Variants in HCRTR2 observed in about 807,000 individuals in gnomAD.
HCRTR2 encodes orexin receptor type 2.
A neutral mutation model predicts 49.0 loss-of-function variants in HCRTR2; 22 were observed. The observed-to-expected ratio is 0.45, with a 90% CI of 0.32 to 0.64. The LOEUF is 0.64. Among genes scored for constraint, HCRTR2 ranks in the 30% least tolerant of loss-of-function variants. HCRTR2 has a pLI of 0.04. For missense variants in HCRTR2, 491 were observed against 559.4 expected, an observed-to-expected ratio of 0.88 and a Z score of 1.23; for synonymous variants, 236 against 205.3, an observed-to-expected ratio of 1.15 and a Z score of -1.28.
intron 2 of HCRTR2, among the ~76,000 whole-genome samples, chr6:55,249,493 T>C (rs1249071455): frequency 6.6e-6 from 1 of 152,134 alleles, no homozygotes; most frequent in Non-Finnish European, 1.5e-5. Context: ...CCTCATATGG[T>C]TGCTGTGACC....
At chr6:55,153,107 A>G (rs1764684663) in intron 1 of HCRTR2, among the ~76,000 whole-genome samples, 1 of 151,966 alleles carries the variant, frequency 6.6e-6, no homozygotes, top group African/African-American at 2.4e-5. Flanking sequence ...TATTTTTTGC[A>G]TATGGATATC....
At chr6:55,261,012 A>G (rs545224079) in intron 3 of HCRTR2, among the ~76,000 whole-genome samples, 2 of 152,304 alleles carry the variant, frequency 1.3e-5, no homozygotes, top group East Asian at 3.9e-4. Flanking sequence ...TCAATAGAAA[A>G]GTCAAAACAA....
chr6:55,171,227 A>T (rs1191508699), upstream of HCRTR2, among the ~76,000 whole-genome samples: 1 of 152,128 alleles, frequency 6.6e-6, no homozygotes, highest in Non-Finnish European at 1.5e-5. Flanking sequence ...ATTTCTCCAC[A>T]TCCTCTCCAG....
chr6:55,214,168 T>A (rs1464968199), intron 1 of HCRTR2, among the ~76,000 whole-genome samples: 6 of 151,930 alleles, frequency 3.9e-5, no homozygotes, highest in Non-Finnish European at 8.8e-5. Context: ...AAAAAAGAAA[T>A]GAGCAATTCA....
At chr6:55,223,513 C>T (rs1337593758) in intron 1 of HCRTR2, among the ~76,000 whole-genome samples, 1 of 152,156 alleles carries the variant, frequency 6.6e-6, no homozygotes, top group African/African-American at 2.4e-5. Context: ...TAGGAACAAA[C>T]TACACTTGCA....
In HCRTR2 at chr6:55,116,220, G is replaced by T. The variant is rs143024530; in HGVS notation, c.-378+9675G>T. 3.4e-3 allele frequency among the ~76,000 whole-genome samples: 523 copies of T among 151,708 alleles called. 7 individuals are homozygous for T. Among genetic ancestry groups the T allele is most frequent in the African/African-American group, 0.012 (496 of 41,480 alleles). On this transcript the variant is annotated intron_variant, in intron 1 of 7. Coordinates refer to the HCRTR2 transcript ENST00000615358. Reference sequence around the variant, plus strand: ...GAAGTTCTTTTATTTATAAGAAATGGCCAGTAAAACAGATAGACTGTATCA... The same window carrying T: ...GAAGTTCTTTTATTTATAAGAAATGTCCAGTAAAACAGATAGACTGTATCA...
chr6:55,267,773 G>A (rs1449802247), intron 4 of HCRTR2, among the ~76,000 whole-genome samples: 1 of 151,970 alleles, frequency 6.6e-6, no homozygotes, highest in Non-Finnish European at 1.5e-5. Flanking sequence ...ACTCTTCTAA[G>A]GGAACTTAAG....
intron 3 of HCRTR2, among the ~76,000 whole-genome samples, chr6:55,258,320 C>A (rs1229172698): frequency 2.6e-5 from 4 of 151,936 alleles, no homozygotes; most frequent in Non-Finnish European, 5.9e-5. Context: ...ATCCTACAAC[C>A]AATGTGGCAG....
chr6:55,143,667 C>T (rs1236076163), intron 1 of HCRTR2, among the ~76,000 whole-genome samples: 1 of 152,164 alleles, frequency 6.6e-6, no homozygotes, highest in Non-Finnish European at 1.5e-5. Context: ...TTTCCAAATA[C>T]TTGACTTTTA....
chr6:55,127,037 T>C (rs576212113), intron 1 of HCRTR2, among the ~76,000 whole-genome samples: 22 of 152,026 alleles, frequency 1.4e-4, no homozygotes, highest in Admixed American at 2.0e-4. Flanking sequence ...AGCTGACCAC[T>C]TGGCTGCCTG....
rs1437730210 is a variant in HCRTR2 at position 55,275,606 on chromosome 6, G to GT, written c.763-1773dup. ...CCATAGCTTTCTCTTTATGAAAACT[G>GT]TATTTTTTTTTTTTTTTTGAGATGG... is the stretch of plus-strand genomic sequence containing the variant. On this transcript the variant is annotated intron_variant, in intron 4 of 6. Transcript: ENST00000370862. 1.0e-4 allele frequency among the ~76,000 whole-genome samples: 13 copies of GT among 128,788 alleles called. No homozygotes were observed. The East Asian group carries it at 2.0e-3, about 20-fold the overall frequency. 84.5% of individuals were successfully genotyped at this position (128,788 alleles called of 152,430 possible). A position where few individuals can be genotyped will look rare whatever the true frequency, so the allele number is the denominator to read the frequency against.
chr6:55,243,772 A>G (rs1766379994), intron 1 of HCRTR2, among the ~76,000 whole-genome samples: 1 of 152,162 alleles, frequency 6.6e-6, no homozygotes, highest in Admixed American at 6.5e-5. Context: ...GTGCCCGTAG[A>G]GAGATAAGAA....
chr6:55,226,717 T>G (rs1314749617), intron 1 of HCRTR2, among the ~76,000 whole-genome samples: 1 of 132,514 alleles, frequency 7.5e-6, no homozygotes, highest in African/African-American at 3.0e-5. Flanking sequence ...AGGTGTTTTT[T>G]TTTTTTTTTT....
chr6:55,125,758 CG>C (rs1262410720), intron 1 of HCRTR2, among the ~76,000 whole-genome samples: 1 of 152,036 alleles, frequency 6.6e-6, no homozygotes, highest in African/African-American at 2.4e-5. Flanking sequence ...ACCAATAGAA[CG>C]TATGTTTGGT....
chr6:55,256,111 G>A (rs906068734), intron 3 of HCRTR2, among the ~76,000 whole-genome samples: 1 of 152,060 alleles, frequency 6.6e-6, no homozygotes, highest in Non-Finnish European at 1.5e-5. Flanking sequence ...AACACCTGGT[G>A]CTAGCACAAA....
chr6:55,205,233 G>C (rs1437207462), intron 1 of HCRTR2, among the ~76,000 whole-genome samples: 1 of 152,168 alleles, frequency 6.6e-6, no homozygotes, highest in Non-Finnish European at 1.5e-5. Flanking sequence ...CTAAAGCTGT[G>C]AGCCGAGATG....
Position 55,245,503 on chromosome 6 carries a change from A to ATATATC in HCRTR2, c.224-3133_224-3132insATCTAT, listed in dbSNP as rs1402605395. Among the ~76,000 whole-genome samples the ATATATC allele has an allele frequency of 7.7e-3, 961 of 124,502 alleles. 22 individuals are homozygous for ATATATC. The highest frequency in any genetic ancestry group is 0.019 in the South Asian group (78 of 4,024). 81.7% of individuals were successfully genotyped at this position (124,502 alleles called of 152,430 possible). A position where few individuals can be genotyped will look rare whatever the true frequency, so the allele number is the denominator to read the frequency against. ...TATATATATATATATATATATATAT[A>ATATATC]TATCTTCCCCAAAAGTGTGCCTTGG... On this transcript the variant is annotated intron_variant, in intron 1 of 6. Coordinates refer to ENST00000370862, the MANE Select transcript of HCRTR2 (RefSeq NM_001384272.1).
At chr6:55,220,436 A>G (rs1372423364) in intron 1 of HCRTR2, among the ~76,000 whole-genome samples, 1 of 152,206 alleles carries the variant, frequency 6.6e-6, no homozygotes, top group Admixed American at 6.5e-5. Flanking sequence ...CACTATATTA[A>G]CAGAACAAGG....
At chr6:55,261,399 T>A (rs899974873) in intron 3 of HCRTR2, among the ~76,000 whole-genome samples, 17 of 152,226 alleles carry the variant, frequency 1.1e-4, no homozygotes, top group East Asian at 5.8e-4. Flanking sequence ...ATACCACTTT[T>A]TTTTTTATTT....
Sources: gnomAD v4.1 joint callset for allele counts (sites outside exome capture counted in the v4.1 genomes callset) on GRCh38, gnomAD v4.1.1 for gene constraint, MANE v1.5 for transcripts, NCBI Gene and HGNC (gene_info 2026-07-23, HGNC 2026-07-21) for gene names.